The following ATP8A2 variants were observed in gnomAD, a reference collection of about 807,000 sequenced individuals.
ATP8A2 encodes ATPase phospholipid transporting 8A2.
ATP8A2 carries 100 observed loss-of-function variants against 165.6 expected under a neutral mutation model. The ratio of observed to expected loss-of-function variants is 0.60; its 90% CI spans 0.51 to 0.71. ATP8A2 has a LOEUF of 0.71. ATP8A2 is among the 30% of genes least tolerant of loss of function. ATP8A2 has a pLI of 0.00. For missense variants in ATP8A2, 1,227 were observed against 1,479.5 expected (o/e 0.83, Z 2.80); for synonymous variants, 543 against 548.8 (o/e 0.99, Z 0.15).
intron 24 of ATP8A2, among the ~76,000 whole-genome samples, chr13:25,638,131 G>A (rs890670177): frequency 1.3e-5 from 2 of 152,122 alleles, no homozygotes; most frequent in Non-Finnish European, 2.9e-5. Flanking sequence ...AAAGACCAAA[G>A]ATAGATAAAA....
At chr13:25,430,799 T>C (rs2034588164) in intron 1 of ATP8A2, among the ~76,000 whole-genome samples, 2 of 152,106 alleles carry the variant, frequency 1.3e-5, no homozygotes, top group Admixed American at 6.5e-5. Flanking sequence ...GGTTTCACCA[T>C]GTTGGTAAGG....
chr13:25,623,193 G>A (rs1332621601), intron 24 of ATP8A2, among the ~76,000 whole-genome samples: 1 of 151,992 alleles, frequency 6.6e-6, no homozygotes, highest in Non-Finnish European at 1.5e-5. Context: ...AGACCACCTG[G>A]GCAACATAGG....
intron 25 of ATP8A2, among the ~76,000 whole-genome samples, chr13:25,757,161 A>G (rs2138225845): frequency 6.6e-6 from 1 of 152,340 alleles, no homozygotes; most frequent in South Asian, 2.1e-4. Context: ...AGCCCACAGG[A>G]TCATGAAGGC....
chr13:25,864,638 C>G (rs1466951442), intron 33 of ATP8A2, among the ~76,000 whole-genome samples: 1 of 152,204 alleles, frequency 6.6e-6, no homozygotes, highest in Non-Finnish European at 1.5e-5. Context: ...TCTGTAAAAG[C>G]TTATTTTTCT....
At chr13:25,645,017 TG>T (rs1306323616) in intron 24 of ATP8A2, among the ~76,000 whole-genome samples, 1 of 152,170 alleles carries the variant, frequency 6.6e-6, no homozygotes, top group Non-Finnish European at 1.5e-5. Context: ...TTAGTTTTGT[TG>T]ATCTTTTGTA....
At chr13:25,432,344 T>C (rs949326387) in intron 1 of ATP8A2, among the ~76,000 whole-genome samples, 1 of 152,168 alleles carries the variant, frequency 6.6e-6, no homozygotes, top group Non-Finnish European at 1.5e-5. Context: ...AAAACAACTT[T>C]TGTGCCTCAT....
intron 25 of ATP8A2, among the ~76,000 whole-genome samples, chr13:25,768,779 GCAGATGCCTCC>G (rs757338602): frequency 2.6e-5 from 4 of 152,212 alleles, no homozygotes; most frequent in Non-Finnish European, 5.9e-5. Context: ...AGGAGTTTGT[GCAGATGCCTCC>G]CACTTAGCAG....
chr13:25,704,983 T>A (rs2043026005), intron 25 of ATP8A2, among the ~76,000 whole-genome samples: 1 of 152,202 alleles, frequency 6.6e-6, no homozygotes, highest in Non-Finnish European at 1.5e-5. Context: ...TTTTCACATA[T>A]TTTTCAACTG....
At chr13:25,963,693 CAGA>C (rs1359337827) in intron 34 of ATP8A2, among the ~76,000 whole-genome samples, 1 of 152,142 alleles carries the variant, frequency 6.6e-6, no homozygotes, top group Non-Finnish European at 1.5e-5. Context: ...TGTATATTTG[CAGA>C]AGACTTTAGC....
intron 24 of ATP8A2, among the ~76,000 whole-genome samples, chr13:25,603,104 C>T (rs775222663): frequency 4.6e-5 from 7 of 152,022 alleles, no homozygotes; most frequent in Non-Finnish European, 7.4e-5. Context: ...GGTATCTGTT[C>T]TTCTTTGTGT....
intron 33 of ATP8A2, among the ~76,000 whole-genome samples, chr13:25,891,003 C>T (rs989548818): frequency 3.3e-5 from 5 of 152,182 alleles, no homozygotes; most frequent in African/African-American, 7.2e-5. Context: ...CAGTGGACCA[C>T]GAGTGCTCTG....
chr13:25,675,362 T>A (rs1427424114), intron 24 of ATP8A2, among the ~76,000 whole-genome samples: 4 of 152,230 alleles, frequency 2.6e-5, no homozygotes, highest in Non-Finnish European at 5.9e-5. Flanking sequence ...GGGCATCCTG[T>A]GTTTACACAT....
intron 24 of ATP8A2, among the ~76,000 whole-genome samples, chr13:25,662,510 G>T (rs11842505): frequency 0.034 from 5,236 of 152,136 alleles, 156 homozygotes; most frequent in East Asian, 0.13. Context: ...CAGGGAAGAG[G>T]TCTTTTGATT....
chr13:25,520,288 G>T (rs1274840659), intron 2 of ATP8A2, among the ~76,000 whole-genome samples: 1 of 152,102 alleles, frequency 6.6e-6, no homozygotes, highest in Non-Finnish European at 1.5e-5. Context: ...TTTTATGCCT[G>T]GCTTATTTCA....
chr13:25,946,847 G>A (rs1431867493), intron 33 of ATP8A2, among the ~76,000 whole-genome samples: 1 of 152,070 alleles, frequency 6.6e-6, no homozygotes, highest in Non-Finnish European at 1.5e-5. Context: ...TCCTGGGTTG[G>A]AGCAATTCTC....
intron 26 of ATP8A2, among the ~76,000 whole-genome samples, chr13:25,774,459 C>T (rs2044695580): frequency 6.6e-6 from 1 of 152,138 alleles, no homozygotes; most frequent in Non-Finnish European, 1.5e-5. Context: ...GCATCCAGAC[C>T]TTGAAACCTA....
intron 35 of ATP8A2, among the ~76,000 whole-genome samples, chr13:25,998,653 A>C (rs557665233): frequency 6.6e-6 from 1 of 152,198 alleles, no homozygotes; most frequent in Non-Finnish European, 1.5e-5. Context: ...CTGTGCTGCT[A>C]CAAGCCTCTC....
At chr13:25,428,175 C>A (rs1319365766) in intron 1 of ATP8A2, among the ~76,000 whole-genome samples, 1 of 129,560 alleles carries the variant, frequency 7.7e-6, no homozygotes, top group African/African-American at 2.6e-5. Context: ...CAGAGTAAGA[C>A]CCTGTCTCAA....
chr13:25,940,697 C>T (rs9553675), intron 33 of ATP8A2, among the ~76,000 whole-genome samples: 67,283 of 152,120 alleles, frequency 0.44, 16,502 homozygotes, highest in East Asian at 0.7. Flanking sequence ...CTCCTTTCCT[C>T]TGTGATCACA....
Sources: allele counts gnomAD v4.1 joint callset (sites outside exome capture counted in the v4.1 genomes callset), GRCh38; gene constraint gnomAD v4.1.1; transcripts MANE v1.5; gene names NCBI Gene and HGNC (gene_info 2026-07-23, HGNC 2026-07-21).